The following EDIL3 variants were observed in gnomAD, a reference collection of about 807,000 sequenced individuals.
EDIL3 encodes the protein EGF-like repeat and discoidin I-like domain-containing protein 3.
A neutral mutation model predicts 67.4 loss-of-function variants in EDIL3; 37 were observed. The observed-to-expected ratio is 0.55, with a 90% CI of 0.42 to 0.72. The LOEUF (loss-of-function observed/expected upper bound fraction) is 0.72. Ranked by LOEUF, EDIL3 falls within the 30% of genes least tolerant of loss-of-function variation. The pLI, the probability that EDIL3 is intolerant of heterozygous loss-of-function variation, is 0.00. For synonymous variants in EDIL3, 195 were observed against 196.3 expected, an observed-to-expected ratio of 0.99 and a Z score of 0.05; for missense variants, 527 against 586.3, an observed-to-expected ratio of 0.90 and a Z score of 1.04.
At chr5:84,373,967 G>T (rs866101615) in intron 1 of EDIL3, among the ~76,000 whole-genome samples, 2 of 152,174 alleles carry the variant, frequency 1.3e-5, no homozygotes, top group Non-Finnish European at 2.9e-5. Flanking sequence ...ATGTTAAAAG[G>T]GCTACAAGCT....
At chr5:84,084,525 T>C (rs1747032696) in intron 6 of EDIL3, among the ~76,000 whole-genome samples, 1 of 152,212 alleles carries the variant, frequency 6.6e-6, no homozygotes, top group Admixed American at 6.5e-5. Flanking sequence ...ACAATATATA[T>C]GTTTCTGGCA....
At chr5:84,280,595 G>C (rs1258620912) in intron 1 of EDIL3, among the ~76,000 whole-genome samples, 1 of 152,078 alleles carries the variant, frequency 6.6e-6, no homozygotes, top group Admixed American at 6.6e-5. Context: ...CTTTGTCATA[G>C]ACTAGTTTTG....
chr5:84,073,884 T>C (rs554950898), intron 6 of EDIL3, among the ~76,000 whole-genome samples: 23 of 152,032 alleles, frequency 1.5e-4, no homozygotes, highest in Middle Eastern at 3.4e-3. Context: ...GAGCCTGCAT[T>C]GCCAAGTCAA....
In EDIL3 at chr5:84,170,848, G is replaced by A. The variant is rs143401555; in HGVS notation, c.355+9545C>T. ...CTTGTTTTGTTGCCCGGGCTGGAGT[G>A]CAGGGGTGTGATCTCGGCTCACTGC... is the stretch of plus-strand genomic sequence containing the variant. On this transcript the variant is annotated intron_variant, in intron 4 of 10. Coordinates refer to ENST00000296591, the MANE Select transcript of EDIL3 (RefSeq NM_005711.5). 2.0e-5 allele frequency among the ~76,000 whole-genome samples: 3 copies of A among 152,000 alleles called. No individual in the cohort carries two copies. In the South Asian group the frequency reaches 6.2e-4, roughly 32 times the overall value.
chr5:83,987,973 A>G (rs1185609426), intron 9 of EDIL3, among the ~76,000 whole-genome samples: 1 of 151,602 alleles, frequency 6.6e-6, no homozygotes, highest in African/African-American at 2.4e-5. Flanking sequence ...ATGGAACCTG[A>G]GCTGAGGCAT....
intron 1 of EDIL3, among the ~76,000 whole-genome samples, chr5:84,344,948 C>A (rs1747206893): frequency 6.6e-6 from 1 of 151,986 alleles, no homozygotes; most frequent in Admixed American, 6.6e-5. Context: ...TCACTTATAC[C>A]AAAGCAAATT....
chr5:84,266,247 A>G (rs2112090469), intron 1 of EDIL3, among the ~76,000 whole-genome samples: 1 of 152,280 alleles, frequency 6.6e-6, no homozygotes, highest in Non-Finnish European at 1.5e-5. Context: ...CAACATGACC[A>G]CTTAGTGGTA....
chr5:84,292,877 T>C (rs1378439134), intron 1 of EDIL3, among the ~76,000 whole-genome samples: 1 of 152,104 alleles, frequency 6.6e-6, no homozygotes, highest in Admixed American at 6.5e-5. Flanking sequence ...GGCAGGCACA[T>C]CTGGGGCAGT....
chr5:84,220,355 A>C (rs996037236), intron 3 of EDIL3, among the ~76,000 whole-genome samples: 1 of 152,174 alleles, frequency 6.6e-6, no homozygotes, highest in Non-Finnish European at 1.5e-5. Flanking sequence ...GGATAAAATA[A>C]AGGCTATGGG....
intron 3 of EDIL3, among the ~76,000 whole-genome samples, chr5:84,222,097 C>T (rs1347683592): frequency 6.6e-6 from 1 of 151,874 alleles, no homozygotes; most frequent in Non-Finnish European, 1.5e-5. Context: ...ATATCTGTAG[C>T]ATGGGTAAGA....
chr5:84,310,901 G>A (rs2112142234), intron 1 of EDIL3, among the ~76,000 whole-genome samples: 1 of 152,108 alleles, frequency 6.6e-6, no homozygotes, highest in East Asian at 1.9e-4. Context: ...ACCCTTGAAG[G>A]TAACCACTTT....
intron 1 of EDIL3, among the ~76,000 whole-genome samples, chr5:84,333,128 T>C (rs1746909903): frequency 6.6e-6 from 1 of 152,138 alleles, no homozygotes; most frequent in Non-Finnish European, 1.5e-5. Flanking sequence ...ATAAGTATAA[T>C]TTTTAGAGTC....
Position 84,217,721 on chromosome 5 carries a change from AACACAC to A in EDIL3, c.226+12128_226+12133del, listed in dbSNP as rs61264723. ...TACCCATCTATCTATTATACACACA[AACACAC>A]ACACACACACACACACACACACACA... On this transcript the variant is annotated intron_variant, in intron 3 of 10. Transcript: ENST00000296591. Among the ~76,000 whole-genome samples, 901 of 135,004 alleles carry A rather than the reference AACACAC, an allele frequency of 6.7e-3. 6 individuals are homozygous for A. The highest frequency in any genetic ancestry group is 0.015 in the African/African-American group (532 of 36,204). The allele number at this position is 135,004 out of a possible 152,430, so 88.6% of individuals were successfully genotyped here.
chr5:84,245,542 G>A (rs1377927578), intron 2 of EDIL3, among the ~76,000 whole-genome samples: 1 of 151,948 alleles, frequency 6.6e-6, no homozygotes, highest in African/African-American at 2.4e-5. Flanking sequence ...AATAACAATA[G>A]GTATAATTTC....
chr5:84,245,326 A>G (rs1744887303), intron 2 of EDIL3, among the ~76,000 whole-genome samples: 1 of 152,112 alleles, frequency 6.6e-6, no homozygotes, highest in South Asian at 2.1e-4. Context: ...TTCTTTTCCT[A>G]TTATACAAAT....
chr5:84,059,510 G>C (rs576141847), intron 9 of EDIL3, among the ~76,000 whole-genome samples: 1 of 152,112 alleles, frequency 6.6e-6, no homozygotes, highest in Non-Finnish European at 1.5e-5. Context: ...TGTTTGATAG[G>C]GGTGGAATTT....
intron 2 of EDIL3, among the ~76,000 whole-genome samples, chr5:84,239,539 G>A (rs187253305): frequency 2.9e-4 from 44 of 151,880 alleles, no homozygotes; most frequent in African/African-American, 7.5e-4. Flanking sequence ...TGTTTATTGC[G>A]GCACTATTCA....
intron 9 of EDIL3, among the ~76,000 whole-genome samples, chr5:84,052,864 C>G (rs1431037561): frequency 1.3e-5 from 2 of 152,146 alleles, no homozygotes; most frequent in African/African-American, 4.8e-5. Context: ...TAATGGGAGA[C>G]TTTAATACCC....
At chr5:84,108,410 A>G (rs892701050) in intron 5 of EDIL3, among the ~76,000 whole-genome samples, 1 of 152,154 alleles carries the variant, frequency 6.6e-6, no homozygotes, top group Non-Finnish European at 1.5e-5. Flanking sequence ...TGATAAATTT[A>G]GATAATAAGA....
Sources: gnomAD v4.1 joint callset for allele counts (sites outside exome capture counted in the v4.1 genomes callset) on GRCh38, gnomAD v4.1.1 for gene constraint, MANE v1.5 for transcripts, NCBI Gene and HGNC (gene_info 2026-07-23, HGNC 2026-07-21) for gene names.